Variants in CTNND2 observed in about 807,000 individuals in gnomAD.
CTNND2 encodes catenin delta-2.
In CTNND2, 22 loss-of-function variants were observed where a neutral mutation model predicts 144.4. The observed-to-expected ratio is 0.15, with a 90% confidence interval of 0.11 to 0.22. CTNND2 has a LOEUF of 0.22. CTNND2 is among the 10% of genes least tolerant of loss of function. The pLI, the probability that CTNND2 is intolerant of heterozygous loss-of-function variation, is 1.00. For synonymous variants in CTNND2, 751 were observed against 695.6 expected, an observed-to-expected ratio of 1.08 and a Z score of -1.25; for missense variants, 1,353 against 1,618.8, an observed-to-expected ratio of 0.84 and a Z score of 2.82.
At chr5:11,284,392 G>A (rs983208089) in intron 9 of CTNND2, among the ~76,000 whole-genome samples, 1 of 152,078 alleles carries the variant, frequency 6.6e-6, no homozygotes, top group Non-Finnish European at 1.5e-5. Context: ...ACATGCATTA[G>A]CTCTTTATCC....
intron 1 of CTNND2, among the ~76,000 whole-genome samples, chr5:11,890,380 G>T (rs887346768): frequency 1.3e-5 from 2 of 152,122 alleles, no homozygotes; most frequent in African/African-American, 4.8e-5. Context: ...GGACATCCAT[G>T]GCAGCTGACC....
At chr5:11,194,023 G>A (rs1024884701) in intron 11 of CTNND2, among the ~76,000 whole-genome samples, 2 of 152,210 alleles carry the variant, frequency 1.3e-5, no homozygotes, top group Admixed American at 1.3e-4. Context: ...GACAGAAGAT[G>A]TTATTTACCA....
chr5:11,131,788 C>CAA (rs1051482508), intron 12 of CTNND2, among the ~76,000 whole-genome samples: 1 of 138,946 alleles, frequency 7.2e-6, no homozygotes. Flanking sequence ...GACTGCGTCT[C>CAA]AAAAAAAAAA....
intron 2 of CTNND2, among the ~76,000 whole-genome samples, chr5:11,677,847 G>C (rs1013045837): frequency 6.6e-6 from 1 of 152,146 alleles, no homozygotes; most frequent in Non-Finnish European, 1.5e-5. Flanking sequence ...AAGTGGTCCA[G>C]AATTTGTGGC....
In CTNND2 at chr5:11,397,118, G is replaced by C; in HGVS notation, c.525C>G (p.Asn175Lys). The C allele has an allele frequency of 6.2e-7, 1 of 1,614,176 alleles. No homozygotes were observed. The highest frequency in any genetic ancestry group is 8.5e-7 in the Non-Finnish European group (1 of 1,180,026). The part of the protein sequence containing the change: ...SFQYPASYHS[N>K]QTLALGETTP... ...TGGTTTCCCCCAGGGCCAGGGTCTG[G>C]TTGCTATGGTAGCTGGCCGGATACT... The change falls in exon 6 of 22, where the codon AAC becomes AAG. Residue 175 changes from asparagine (N) to lysine (K), a missense_variant. Transcript: ENST00000304623.
At chr5:11,808,455 A>G (rs1461242974) in intron 1 of CTNND2, among the ~76,000 whole-genome samples, 2 of 152,304 alleles carry the variant, frequency 1.3e-5, no homozygotes, top group Middle Eastern at 3.4e-3. Flanking sequence ...TTCTCTGGGA[A>G]TTCTTTAATT....
At chr5:11,476,397 T>C (rs1278837435) in intron 3 of CTNND2, among the ~76,000 whole-genome samples, 1 of 152,260 alleles carries the variant, frequency 6.6e-6, no homozygotes, top group East Asian at 1.9e-4. Context: ...TCAGTAACAA[T>C]GCAAGATAGG....
At chr5:11,673,866 C>T (rs906495554) in intron 2 of CTNND2, among the ~76,000 whole-genome samples, 27 of 152,152 alleles carry the variant, frequency 1.8e-4, no homozygotes, top group Non-Finnish European at 2.8e-4. Flanking sequence ...ATCAGAGCCA[C>T]AGAGAGAGTG....
chr5:11,775,038 C>T (rs1220751940), intron 1 of CTNND2, among the ~76,000 whole-genome samples: 2 of 152,058 alleles, frequency 1.3e-5, no homozygotes, highest in Admixed American at 6.5e-5. Flanking sequence ...TCAAAGACAG[C>T]CAAACAGAGC....
At chr5:11,656,895 C>A (rs1305022626) in intron 2 of CTNND2, among the ~76,000 whole-genome samples, 2 of 152,116 alleles carry the variant, frequency 1.3e-5, no homozygotes, top group Non-Finnish European at 2.9e-5. Flanking sequence ...TGGCAGAATT[C>A]TCAAACCTAG....
chr5:11,725,193 T>G (rs570980963), intron 2 of CTNND2, among the ~76,000 whole-genome samples: 20 of 152,326 alleles, frequency 1.3e-4, no homozygotes, highest in Admixed American at 1.2e-3. Flanking sequence ...GTGTCACTGA[T>G]GCATGCTAGA....
intron 1 of CTNND2, among the ~76,000 whole-genome samples, chr5:11,898,134 C>T (rs768604410): frequency 1.3e-5 from 2 of 152,204 alleles, no homozygotes; most frequent in Non-Finnish European, 2.9e-5. Context: ...CAAGCTATGT[C>T]TAATCAAAAC....
At chr5:11,492,553 ACTTT>A (rs757938396) in intron 3 of CTNND2, among the ~76,000 whole-genome samples, 1 of 149,056 alleles carries the variant, frequency 6.7e-6, no homozygotes, top group Non-Finnish European at 1.5e-5. Context: ...GTGTATCTGG[ACTTT>A]CTTTCTCCTA....
At chr5:11,072,293 C>T (rs1352213890) in intron 16 of CTNND2, among the ~76,000 whole-genome samples, 1 of 152,218 alleles carries the variant, frequency 6.6e-6, no homozygotes, top group Non-Finnish European at 1.5e-5. Flanking sequence ...CATATATGTG[C>T]ATCAGCCCAG....
Position 11,570,858 on chromosome 5 carries a change from C to T in CTNND2, c.175-5802G>A, listed in dbSNP as rs528113141. 3.9e-5 allele frequency among the ~76,000 whole-genome samples: 6 copies of T among 152,042 alleles called. No homozygotes were observed. In the South Asian group the frequency reaches 1.0e-3, roughly 26 times the overall value. Reference sequence around the variant, plus strand: ...CTCCTCCTTTTTAACATTACTCTTGCTTTTTCTTCAACTCTCATTATTCAG... The same window carrying T: ...CTCCTCCTTTTTAACATTACTCTTGTTTTTTCTTCAACTCTCATTATTCAG... On this transcript the variant is annotated intron_variant, in intron 2 of 21. Coordinates refer to ENST00000304623, the MANE Select transcript of CTNND2 (RefSeq NM_001332.4).
chr5:11,809,871 A>T lies in CTNND2; in HGVS notation c.38-77599T>A, dbSNP rs375641379. On this transcript the variant is annotated intron_variant, in intron 1 of 21. Coordinates refer to ENST00000304623, the MANE Select transcript of CTNND2 (RefSeq NM_001332.4). ...TATTGTAAATAATTATTTTATCAGG[A>T]GAGAGGACTTGCAGCAGTTCTCAAT... Among the ~76,000 whole-genome samples the T allele has an allele frequency of 5.3e-5, 8 of 152,308 alleles. No individual in the cohort carries two copies. The South Asian group carries it at 1.7e-3, about 32-fold the overall frequency.
At chr5:11,099,742 T>C (rs911074697) in intron 14 of CTNND2, among the ~76,000 whole-genome samples, 12 of 152,210 alleles carry the variant, frequency 7.9e-5, no homozygotes, top group African/African-American at 2.7e-4. Flanking sequence ...AAAGGCTTTG[T>C]CTTTTGTGAA....
chr5:11,281,921 G>C lies in CTNND2; in HGVS notation c.1629-45098C>G, dbSNP rs146886402. ...AACATATGAATTTTAGCATAACACA[G>C]GTCAGCCCATAACATAGTGCTGAAT... On this transcript the variant is annotated intron_variant, in intron 9 of 21. Coordinates refer to ENST00000304623, the MANE Select transcript of CTNND2 (RefSeq NM_001332.4). 4.2e-4 allele frequency among the ~76,000 whole-genome samples: 64 copies of C among 152,294 alleles called. No homozygotes were observed. In the East Asian group the frequency reaches 0.012, roughly 28 times the overall value.
At chr5:11,637,229 A>G (rs1016483591) in intron 2 of CTNND2, among the ~76,000 whole-genome samples, 10 of 152,202 alleles carry the variant, frequency 6.6e-5, no homozygotes, top group African/African-American at 2.4e-4. Flanking sequence ...AATAGAGGGA[A>G]TGTGTATCTC....
Sources: allele counts gnomAD v4.1 joint callset (sites outside exome capture counted in the v4.1 genomes callset), GRCh38; gene constraint gnomAD v4.1.1; transcripts MANE v1.5; gene names NCBI Gene and HGNC (gene_info 2026-07-23, HGNC 2026-07-21).